The following POFUT3 variants were observed in gnomAD, a reference collection of about 807,000 sequenced individuals.
The protein encoded by POFUT3 is GDP-fucose protein O-fucosyltransferase 3.
At chr8:33,392,161 G>A in the POFUT3 span, among the ~76,000 whole-genome samples, 1 of 152,158 alleles carries the variant, frequency 6.6e-6, no homozygotes, top group Non-Finnish European at 1.5e-5. Context: ...TAACTTCCCT[G>A]AGATACATCC....
At chr8:33,438,459 G>C in the POFUT3 span, among the ~76,000 whole-genome samples, 1 of 152,128 alleles carries the variant, frequency 6.6e-6, no homozygotes, top group African/African-American at 2.4e-5. Context: ...CATGCCTGTA[G>C]TCCCAGGCAT....
chr8:33,419,514 G>A, the POFUT3 span, among the ~76,000 whole-genome samples: 1 of 152,180 alleles, frequency 6.6e-6, no homozygotes, highest in Non-Finnish European at 1.5e-5. Context: ...CAGAGCTCAG[G>A]TGGTAATGCT....
the POFUT3 span, among the ~76,000 whole-genome samples, chr8:33,370,186 A>G: frequency 7.2e-6 from 1 of 139,626 alleles, no homozygotes; most frequent in Non-Finnish European, 1.5e-5. Context: ...AAAAAAAAAA[A>G]AAAAAAAAAA....
the POFUT3 span, among the ~76,000 whole-genome samples, chr8:33,404,337 C>CAAAAAA: frequency 6.8e-3 from 756 of 110,412 alleles, 3 homozygotes; most frequent in African/African-American, 0.025. Flanking sequence ...GGCTCTGTCT[C>CAAAAAA]AAAAAAAAAA....
At chr8:33,318,486 ATGTAC>A in the POFUT3 span, among the ~76,000 whole-genome samples, 437 of 128,488 alleles carry the variant, frequency 3.4e-3, 4 homozygotes, top group Non-Finnish European at 5.5e-3. Flanking sequence ...ATAATATATA[ATGTAC>A]ATATATTATA....
the POFUT3 span, among the ~76,000 whole-genome samples, chr8:33,308,920 G>A: frequency 6.7e-6 from 1 of 150,280 alleles, no homozygotes; most frequent in Non-Finnish European, 1.5e-5. Context: ...ATAGTCTAGT[G>A]AGTGTAGTGT....
chr8:33,385,674 G>A, the POFUT3 span, among the ~76,000 whole-genome samples: 2 of 152,134 alleles, frequency 1.3e-5, no homozygotes, highest in Non-Finnish European at 2.9e-5. Context: ...TTGAGGTCAG[G>A]AGTTCGAGAT....
the POFUT3 span, among the ~76,000 whole-genome samples, chr8:33,448,568 G>A: frequency 1.3e-5 from 2 of 152,146 alleles, no homozygotes; most frequent in African/African-American, 2.4e-5. Context: ...ACACTCCTGA[G>A]CCTCAGTCTC....
chr8:33,413,121 A>G, the POFUT3 span, among the ~76,000 whole-genome samples: 1 of 152,056 alleles, frequency 6.6e-6, no homozygotes, highest in Admixed American at 6.6e-5. Context: ...TTTCACATAT[A>G]TTTATTTTCA....
chr8:33,363,948 C>G, the POFUT3 span, among the ~76,000 whole-genome samples: 1 of 152,270 alleles, frequency 6.6e-6, no homozygotes, highest in East Asian at 1.9e-4. Context: ...GATACCAAAG[C>G]CTGGCAGAGA....
At chr8:33,398,988 T>C in the POFUT3 span, among the ~76,000 whole-genome samples, 3 of 152,190 alleles carry the variant, frequency 2.0e-5, no homozygotes, top group South Asian at 6.2e-4. Flanking sequence ...AACCATGGGA[T>C]GTTGTGAAGT....
chr8:33,427,772 A>G, the POFUT3 span, among the ~76,000 whole-genome samples: 4 of 152,128 alleles, frequency 2.6e-5, no homozygotes, highest in South Asian at 2.1e-4. Context: ...CAATATTTCT[A>G]AAGTCCCATC....
At chr8:33,400,503 G>A in the POFUT3 span, among the ~76,000 whole-genome samples, 1 of 151,662 alleles carries the variant, frequency 6.6e-6, no homozygotes, top group Non-Finnish European at 1.5e-5. Context: ...ATGGAGGGGT[G>A]GATAGACGGA....
the POFUT3 span, among the ~76,000 whole-genome samples, chr8:33,319,457 T>G: frequency 1.9e-5 from 1 of 53,880 alleles, no homozygotes; most frequent in African/African-American, 9.0e-5. Context: ...ATATAATATA[T>G]AAATGTATAT....
At chr8:33,356,070 A>G in the POFUT3 span, among the ~76,000 whole-genome samples, 8 of 152,046 alleles carry the variant, frequency 5.3e-5, no homozygotes, top group African/African-American at 9.7e-5. Flanking sequence ...CCAGTCTATC[A>G]TTGTTGGACA....
chr8:33,388,992 C>T, the POFUT3 span: 2 of 1,614,152 alleles, frequency 1.2e-6, no homozygotes, highest in Non-Finnish European at 1.7e-6. Context: ...TTAGCCCACA[C>T]CTTGGTGCAC....
chr8:33,384,100 A>G, the POFUT3 span, among the ~76,000 whole-genome samples: 1 of 152,106 alleles, frequency 6.6e-6, no homozygotes, highest in African/African-American at 2.4e-5. Context: ...GCACACCAAT[A>G]AGCAGCCACT....
At chr8:33,409,128 GT>G in the POFUT3 span, among the ~76,000 whole-genome samples, 4 of 152,212 alleles carry the variant, frequency 2.6e-5, no homozygotes, top group African/African-American at 9.6e-5. Flanking sequence ...TTGAGACAGA[GT>G]TTTGCTTTTA....
the POFUT3 span, among the ~76,000 whole-genome samples, chr8:33,402,801 G>A: frequency 1.3e-5 from 2 of 152,260 alleles, no homozygotes; most frequent in Admixed American, 6.5e-5. Flanking sequence ...GCTCATGCCT[G>A]TAATCCTAGC....
Sources: gnomAD v4.1 joint callset for allele counts (sites outside exome capture counted in the v4.1 genomes callset) on GRCh38, gnomAD v4.1.1 for gene constraint, MANE v1.5 for transcripts, NCBI Gene and HGNC (gene_info 2026-07-23, HGNC 2026-07-21) for gene names.